The following MEST variants were observed in gnomAD, a reference collection of about 807,000 sequenced individuals.
MEST encodes the protein mesoderm-specific transcript homolog protein.
A neutral mutation model predicts 50.9 loss-of-function variants in MEST; 18 were observed. The observed-to-expected ratio is 0.35, with a 90% confidence interval of 0.24 to 0.52. MEST has a LOEUF of 0.52. Among genes scored for constraint, MEST ranks in the 20% least tolerant of loss-of-function variants. The pLI is 0.94. For synonymous variants in MEST, 130 were observed against 154.1 expected, an observed-to-expected ratio of 0.84 and a Z score of 1.16; for missense variants, 282 against 425.3, an observed-to-expected ratio of 0.66 and a Z score of 2.96.
chr7:130,502,848 T>A, intron 10 of MEST, 128 bp downstream of exon 10: 1 of 662,622 alleles, frequency 1.5e-6, no homozygotes. Context: ...TAAATTTGAA[T>A]TTTAGATAAA....
intron 1 of MEST, chr7:130,493,074 A>G (rs560804606): frequency 6.6e-6 from 1 of 152,320 alleles, no homozygotes; most frequent in East Asian, 1.9e-4. Flanking sequence ...AGACCCAGGT[A>G]TCACGGTGGC....
intron 10 of MEST, 79 bp downstream of exon 10, chr7:130,502,799 G>C: frequency 9.9e-7 from 1 of 1,013,962 alleles, no homozygotes; most frequent in South Asian, 1.5e-5. Context: ...TACAATTAGG[G>C]TTACCAGATT....
Position 130,504,983 on chromosome 7 carries a change from T to TA in MEST, c.935_936insA (p.Ser313Ter). 2 of 1,613,878 alleles carry TA rather than the reference T, an allele frequency of 1.2e-6. No individual in the cohort carries two copies. Among genetic ancestry groups the TA allele is most frequent in the Non-Finnish European group, 1.7e-6 (2 of 1,179,782 alleles). ...ACAGTGTCGATTCTGGATGACCACA[T>TA]TAGCCACTATCCACAGCTAGAGGAT... is the stretch of plus-strand genomic sequence containing the variant. On this transcript the variant is annotated frameshift_variant, in exon 12 of 12. Transcript: ENST00000223215. LOFTEE classifies it high-confidence loss of function.
Position 130,497,579 on chromosome 7 carries a change from A to C in MEST, c.261+344A>C. On this transcript the variant is annotated intron_variant, in intron 3 of 11. Transcript: ENST00000223215. This position sits in a 1 kb window ranked among gnomAD's most constrained non-coding sequence, Gnocchi z 4.0. ...CTCAAAAAAAAATTTTTTTTTAATAAAAATTTAAAAAACCTCAAGGATTTT... is the reference window on the plus strand; with the variant it reads ...CTCAAAAAAAAATTTTTTTTTAATACAAATTTAAAAAACCTCAAGGATTTT... The C allele has an allele frequency of 8.2e-6, 2 of 242,862 alleles. No homozygotes were observed. Among genetic ancestry groups the C allele is most frequent in the Non-Finnish European group, 1.6e-5 (2 of 126,722 alleles). 15.0% of individuals were successfully genotyped at this position (242,862 alleles called of 1,614,324 possible).
rs1554438296 is a variant in MEST, at chr7:130,500,557, G to A, written c.647+25G>A. ...GGTAAGTGTCACTGTCAAAGATTGT[G>A]GCCTAGAGCAATGTCGTGAAAAGTT... On this transcript the variant is annotated intron_variant, in intron 8 of 11. Coordinates refer to ENST00000223215, the MANE Select transcript of MEST (RefSeq NM_002402.4). The surrounding 1 kb of genome is among the most constrained non-coding windows in gnomAD (Gnocchi z 5.0). 2 of 1,603,092 alleles carry A rather than the reference G, an allele frequency of 1.2e-6. No individual in the cohort carries two copies. The highest frequency in any genetic ancestry group is 1.1e-5 in the South Asian group (1 of 89,576).
At chr7:130,502,240 C>G (rs1451428343) in intron 9 of MEST, among the ~76,000 whole-genome samples, 47 of 152,098 alleles carry the variant, frequency 3.1e-4, no homozygotes, top group Admixed American at 3.1e-3. Context: ...TTTTAAAAAA[C>G]AAACCAACAA....
chr7:130,500,996 A>G lies in MEST; in HGVS notation c.749+106A>G. The G allele has an allele frequency of 1.1e-6, 1 of 925,728 alleles. No individual in the cohort carries two copies. 57.3% of individuals were successfully genotyped at this position (925,728 alleles called of 1,614,324 possible). A position where few individuals can be genotyped will look rare whatever the true frequency, so the allele number is the denominator to read the frequency against. On this transcript the variant is annotated intron_variant, in intron 9 of 11. Coordinates refer to ENST00000223215, the MANE Select transcript of MEST (RefSeq NM_002402.4). The surrounding 1 kb of genome is among the most constrained non-coding windows in gnomAD (Gnocchi z 5.0). Reference sequence around the variant, plus strand: ...CTTATTCCCTATCACAGGAAGGCTGATGATGACCTATGGGGCAAACCAAAA... The same window carrying G: ...CTTATTCCCTATCACAGGAAGGCTGGTGATGACCTATGGGGCAAACCAAAA...
At position 130,506,459 on chromosome 7, in the gene MEST, C is replaced by A; in HGVS notation, c.*1403C>A. On this transcript the variant is annotated 3_prime_UTR_variant, in exon 12 of 12. Coordinates refer to ENST00000223215, the MANE Select transcript of MEST (RefSeq NM_002402.4). ...GATCACCCAAAGCTGCACTATCGTC[C>A]CAAAGCTGACCAAGTAGAATAAAAA... 1 of 342,532 alleles carries A rather than the reference C, an allele frequency of 2.9e-6. No homozygotes were observed. Among genetic ancestry groups the A allele is most frequent in the Non-Finnish European group, 5.3e-6 (1 of 187,406 alleles). The allele number at this position is 342,532 out of a possible 1,614,324, so 21.2% of individuals were successfully genotyped here. A position where few individuals can be genotyped will look rare whatever the true frequency, so the allele number is the denominator to read the frequency against.
In MEST at chr7:130,492,262, C is replaced by T. The variant is rs1328316515; in HGVS notation, c.-52C>T. The stretch of plus-strand genomic sequence containing the variant: ...CAGCTCTGCACGGCTGCGGGCTCTG[C>T]GGCGCCCGGTGCTCTGCAACGCTGC... On this transcript the variant is annotated 5_prime_UTR_variant, in exon 1 of 12. Transcript: ENST00000223215. This position sits in a 1 kb window ranked among gnomAD's most constrained non-coding sequence, Gnocchi z 7.6. The T allele has an allele frequency of 7.6e-5, 101 of 1,325,732 alleles. No homozygotes were observed. The Admixed American group carries it at 1.1e-3, about 15-fold the overall frequency. 82.1% of individuals were successfully genotyped at this position (1,325,732 alleles called of 1,614,324 possible). A position where few individuals can be genotyped will look rare whatever the true frequency, so the allele number is the denominator to read the frequency against.
upstream of MEST, among the ~76,000 whole-genome samples, chr7:130,490,216 G>T (rs1336116179): frequency 6.6e-6 from 1 of 152,092 alleles, no homozygotes; most frequent in East Asian, 1.9e-4. Context: ...ACCAATTAAG[G>T]CCATAAAGAG....
rs2301335 is a variant in MEST, at chr7:130,492,985, G to A, written c.26+646G>A. Among the ~76,000 whole-genome samples, 70,416 of 151,836 alleles carry A rather than the reference G, an allele frequency of 0.46. 17,889 individuals carry two copies. The highest frequency in any genetic ancestry group is 0.59 in the East Asian group (3,037 of 5,144). On this transcript the variant is annotated intron_variant, in intron 1 of 11. Transcript: ENST00000223215. This position sits in a 1 kb window ranked among gnomAD's most constrained non-coding sequence, Gnocchi z 7.6. Reference sequence around the variant, plus strand: ...GATGTAGGATTTTTAGAACCCCGGTGTCTCCGTGGCGCACCTTAGGATTTC... The same window carrying A: ...GATGTAGGATTTTTAGAACCCCGGTATCTCCGTGGCGCACCTTAGGATTTC...
intron 1 of MEST, among the ~76,000 whole-genome samples, chr7:130,493,675 G>A (rs531401023): frequency 4.0e-4 from 61 of 152,224 alleles, no homozygotes; most frequent in Non-Finnish European, 7.6e-4. Flanking sequence ...CCCATTTGCC[G>A]CTCTGGCCGC....
chr7:130,486,224 G>GGCGATGGGCTTGTGC (rs1299937418), exon 1 of MEST: 1 of 151,912 alleles, frequency 6.6e-6, no homozygotes, highest in Non-Finnish European at 1.5e-5. Flanking sequence ...TGGGCTCGGG[G>GGCGATGGGCTTGTGC]GCGATGGGCT....
chr7:130,499,156 A>G (rs1799183599), intron 6 of MEST, among the ~76,000 whole-genome samples: 1 of 152,226 alleles, frequency 6.6e-6, no homozygotes. Context: ...AACTGATGGC[A>G]GTGCCAAGTT....
At chr7:130,488,605 G>C (rs1215775143), upstream of MEST, 1 of 152,240 alleles carries the variant, frequency 6.6e-6, no homozygotes, top group Non-Finnish European at 1.5e-5. Flanking sequence ...ATCTCTCTCT[G>C]AAATCTGTGA....
intron 2 of MEST, 135 bp downstream of exon 2, chr7:130,495,657 G>A: frequency 2.1e-6 from 2 of 962,044 alleles, no homozygotes; most frequent in South Asian, 4.4e-5. Flanking sequence ...TCTGTGTAGT[G>A]TGCTTGCAGA....
intron 6 of MEST, among the ~76,000 whole-genome samples, chr7:130,499,615 T>G (rs1413359411): frequency 1.3e-5 from 2 of 152,162 alleles, no homozygotes; most frequent in African/African-American, 4.8e-5. Flanking sequence ...AATTGTTATT[T>G]GTAATTCTGT....
At chr7:130,504,408 T>C (rs1554439312) in intron 11 of MEST, among the ~76,000 whole-genome samples, 1 of 152,246 alleles carries the variant, frequency 6.6e-6, no homozygotes, top group African/African-American at 2.4e-5. Flanking sequence ...TGCCTTCTCA[T>C]TGGTTGCTAT....
chr7:130,504,043 G>A, intron 11 of MEST, 47 bp downstream of exon 11: 1 of 1,491,312 alleles, frequency 6.7e-7, no homozygotes, highest in Non-Finnish European at 9.3e-7. Context: ...ATCTCATCCT[G>A]ACAGTGGTAA....
Sources: allele counts gnomAD v4.1 joint callset (sites outside exome capture counted in the v4.1 genomes callset), GRCh38; gene constraint gnomAD v4.1.1; non-coding constraint Gnocchi (gnomAD v3.1); transcripts MANE v1.5; gene names NCBI Gene and HGNC (gene_info 2026-07-23, HGNC 2026-07-21).